The following CTSA variants were observed in gnomAD, a reference collection of about 807,000 sequenced individuals.
The protein encoded by CTSA is lysosomal protective protein.
Under a neutral mutation model 66.7 loss-of-function variants are expected in CTSA, and 42 were observed. That is an observed-to-expected ratio of 0.63 (90% CI 0.49 to 0.81). CTSA has a LOEUF of 0.81. Among genes scored for constraint, CTSA ranks in the 40% least tolerant of loss-of-function variants. The probability of loss-of-function intolerance (pLI) is 0.00; values close to 1 mark genes in which losing one functional copy is unlikely to be tolerated. For synonymous variants in CTSA, 225 were observed against 248.6 expected, an observed-to-expected ratio of 0.91 and a Z score of 0.89; for missense variants, 525 against 610.9, an observed-to-expected ratio of 0.86 and a Z score of 1.48.
chr20:45,896,817 G>T, intron 11 of CTSA, 148 bp from the exon 12 acceptor site: 1 of 699,102 alleles, frequency 1.4e-6, no homozygotes. Flanking sequence ...GTCAGTCCTA[G>T]AGAGGTGGCC....
At chr20:45,897,639 G>C in intron 12 of CTSA, 78 bp from the exon 13 acceptor site, 1 of 872,436 alleles carries the variant, frequency 1.1e-6, no homozygotes. Flanking sequence ...AATTTCCTGA[G>C]GGGTAGGCCT....
chr20:45,891,913 C>T lies in CTSA; in HGVS notation c.195-3C>T, dbSNP rs745820927. On this transcript the variant is annotated splice_region_variant and splice_polypyrimidine_tract_variant and intron_variant, in intron 2 of 14. Transcript: ENST00000646241. The surrounding 1 kb of genome is among the most constrained non-coding windows in gnomAD (Gnocchi z 4.6). ...GCCAACCCTGCCCTGACCCCCCTCC[C>T]AGGTTTGTGGAGTCCCAGAAGGATC... is the stretch of plus-strand genomic sequence containing the variant. 1 of 1,613,816 alleles carries T rather than the reference C, an allele frequency of 6.2e-7. No individual in the cohort carries two copies. The highest frequency in any genetic ancestry group is 1.3e-5 in the African/African-American group (1 of 75,022).
rs756455916 is a variant in CTSA at position 45,897,006 on chromosome 20, T to C, written c.1130T>C (p.Met377Thr). Residue 377 changes from methionine (M) to threonine (T), a missense_variant, in exon 12 of 15, where the codon ATG (methionine) becomes ACG (threonine). Physicochemically the swap from Met to Thr is moderately conservative, Grantham distance 81 (BLOSUM62 -1). This residue lies in a region of CTSA where 274 missense variants were observed against 321.1 expected (regional missense o/e 0.85). Coordinates refer to ENST00000646241, the MANE Select transcript of CTSA (RefSeq NM_000308.4). ...CAGTACCGCCGTCTCTACCGAAGCA[T>C]GAACTCCCAGTATCTGAAGCTGCTT... ...NLQYRRLYRS[M>T]NSQYLKLLSS... 6 of 1,613,998 alleles carry C rather than the reference T, an allele frequency of 3.7e-6. No homozygotes were observed. The highest frequency in any genetic ancestry group is 5.1e-6 in the Non-Finnish European group (6 of 1,180,032).
chr20:45,892,835 C>T lies in CTSA; in HGVS notation c.555C>T (p.Pro185=). The change falls in exon 6 of 15, where the codon CCC becomes CCT. Residue 185 remains proline, a synonymous_variant. Coordinates refer to ENST00000646241, the MANE Select transcript of CTSA (RefSeq NM_000308.4). ...AGAGCTATGCTGGCATCTACATCCC[C>T]ACCCTGGCCGTGCTGGTCATGCAGG... ...TGESYAGIYI[P]TLAVLVMQDP... The T allele has an allele frequency of 6.2e-7, 1 of 1,614,182 alleles. No individual in the cohort carries two copies. The highest frequency in any genetic ancestry group is 8.5e-7 in the Non-Finnish European group (1 of 1,180,028).
intron 11 of CTSA, chr20:45,896,716 C>T (rs1227843527): frequency 9.8e-6 from 5 of 512,080 alleles, no homozygotes; most frequent in Admixed American, 3.1e-5. Context: ...GGATTACAGG[C>T]GTGAGCCACC....
rs1185028666 is a variant in CTSA, at chr20:45,891,817, T to TG, written c.194+61dup. The TG allele has an allele frequency of 9.9e-6, 16 of 1,611,782 alleles. No homozygotes were observed. The highest frequency in any genetic ancestry group is 1.3e-5 in the African/African-American group (1 of 74,838). On this transcript the variant is annotated intron_variant, in intron 2 of 14. Coordinates refer to ENST00000646241, the MANE Select transcript of CTSA (RefSeq NM_000308.4). The surrounding 1 kb of genome is among the most constrained non-coding windows in gnomAD (Gnocchi z 4.6). ...GGGAGAAGAGATGACGGATGAGGGATGGGGGGTAGTTCTGCAGACCCCTGA... is the reference window on the plus strand; with the variant it reads ...GGGAGAAGAGATGACGGATGAGGGATGGGGGGGTAGTTCTGCAGACCCCTGA...
chr20:45,895,188 G>C, intron 11 of CTSA, 55 bp downstream of exon 11: 2 of 1,609,454 alleles, frequency 1.2e-6, no homozygotes, highest in Non-Finnish European at 1.7e-6. Context: ...GGGCTTGTGG[G>C]CATCGGCAGG....
At chr20:45,895,995 G>A (rs938819343) in intron 11 of CTSA, among the ~76,000 whole-genome samples, 2 of 152,156 alleles carry the variant, frequency 1.3e-5, no homozygotes, top group African/African-American at 2.4e-5. Flanking sequence ...AGGAGTTCGA[G>A]ACCAGCCTGG....
At chr20:45,894,422 C>A in intron 8 of CTSA, 1 of 623,368 alleles carries the variant, frequency 1.6e-6, no homozygotes, top group South Asian at 1.9e-5. Context: ...AAACTGAGGG[C>A]TATGAATTTT....
chr20:45,898,560 A>T lies in CTSA; in HGVS notation c.*110A>T, dbSNP rs548277611. Reference sequence around the variant, plus strand: ...CTGCAGGCCGGGTTCTGCCGCCAGGACTGCCCCCTTCCCAGAGCCCTGTAC... The same window carrying T: ...CTGCAGGCCGGGTTCTGCCGCCAGGTCTGCCCCCTTCCCAGAGCCCTGTAC... On this transcript the variant is annotated 3_prime_UTR_variant, in exon 15 of 15. Coordinates refer to ENST00000646241, the MANE Select transcript of CTSA (RefSeq NM_000308.4). The surrounding 1 kb of genome is among the most constrained non-coding windows in gnomAD (Gnocchi z 4.6). 6.6e-6 allele frequency: 7 copies of T among 1,067,856 alleles called. No homozygotes were observed. The highest frequency in any genetic ancestry group is 6.3e-5 in the African/African-American group (4 of 63,950). 66.1% of individuals were successfully genotyped at this position (1,067,856 alleles called of 1,614,324 possible). A position where few individuals can be genotyped will look rare whatever the true frequency, so the allele number is the denominator to read the frequency against.
chr20:45,893,600 A>G (rs1021285236), intron 7 of CTSA, among the ~76,000 whole-genome samples: 1 of 151,768 alleles, frequency 6.6e-6, no homozygotes, highest in African/African-American at 2.4e-5. Flanking sequence ...CTCATGCCTC[A>G]GACTCCCAGG....
At chr20:45,894,181 G>C (rs186066143) in intron 8 of CTSA, 109 bp downstream of exon 8, 1 of 819,976 alleles carries the variant, frequency 1.2e-6, no homozygotes, top group Non-Finnish European at 2.1e-6. Context: ...TTGCTTTCTT[G>C]CACCTTTAAG....
chr20:45,893,000 C>T, intron 6 of CTSA, 120 bp downstream of exon 6: 11 of 1,213,780 alleles, frequency 9.1e-6, no homozygotes, highest in Non-Finnish European at 1.2e-6. Flanking sequence ...ACCTCCCCAC[C>T]ACCGGCTGCC....
Position 45,891,561 on chromosome 20 carries a change from T to G in CTSA, c.1-8T>G. ...GCGAGTCAACAGCCCCTCTGCTGCC[T>G]CCCGTAGATGATCCGAGCCGCGCCG... On this transcript the variant is annotated splice_polypyrimidine_tract_variant and splice_region_variant and intron_variant, in intron 1 of 14. Transcript: ENST00000646241. The surrounding 1 kb of genome is among the most constrained non-coding windows in gnomAD (Gnocchi z 4.6). 1.2e-6 allele frequency: 2 copies of G among 1,602,316 alleles called. No homozygotes were observed. Among genetic ancestry groups the G allele is most frequent in the South Asian group, 2.2e-5 (2 of 90,628 alleles).
In CTSA at chr20:45,891,903, AC is replaced by A. The variant is rs780400265; in HGVS notation, c.195-7del. 5 of 1,612,244 alleles carry A rather than the reference AC, an allele frequency of 3.1e-6. No individual in the cohort carries two copies. Among genetic ancestry groups the A allele is most frequent in the African/African-American group, 1.3e-5 (1 of 74,674 alleles). ...CTCCAACTGCGCCAACCCTGCCCTG[AC>A]CCCCCTCCCAGGTTTGTGGAGTCCC... On this transcript the variant is annotated splice_polypyrimidine_tract_variant and intron_variant, in intron 2 of 14. Transcript: ENST00000646241. This position sits in a 1 kb window ranked among gnomAD's most constrained non-coding sequence, Gnocchi z 4.6.
chr20:45,896,734 G>C, intron 11 of CTSA: 1 of 554,582 alleles, frequency 1.8e-6, no homozygotes, highest in Non-Finnish European at 3.3e-6. Context: ...ACCACGCCCA[G>C]CATCCCTGTA....
intron 5 of CTSA, 64 bp downstream of exon 5, chr20:45,892,548 GGAGA>G: frequency 6.4e-7 from 1 of 1,556,570 alleles, no homozygotes; most frequent in East Asian, 2.2e-5. Context: ...CATGATGCTG[GGAGA>G]GAGAGCATGG....
At chr20:45,896,117 C>A (rs112626976) in intron 11 of CTSA, among the ~76,000 whole-genome samples, 1 of 152,128 alleles carries the variant, frequency 6.6e-6, no homozygotes, top group Non-Finnish European at 1.5e-5. Flanking sequence ...ATCGCTTGAA[C>A]CCAGGAGGCA....
intron 6 of CTSA, 117 bp downstream of exon 6, chr20:45,892,997 C>A: frequency 8.1e-7 from 1 of 1,241,058 alleles, no homozygotes; most frequent in Non-Finnish European, 1.2e-6. Flanking sequence ...ATAACCTCCC[C>A]ACCACCGGCT....
Sources: allele counts gnomAD v4.1 joint callset (sites outside exome capture counted in the v4.1 genomes callset), GRCh38; gene constraint gnomAD v4.1.1; regional missense constraint gnomAD v4.1.1; non-coding constraint Gnocchi (gnomAD v3.1); transcripts MANE v1.5; gene names NCBI Gene and HGNC (gene_info 2026-07-23, HGNC 2026-07-21).